CTNNA3: variants seen among roughly 807,000 people sequenced by gnomAD.
The protein encoded by CTNNA3 is catenin alpha 3.
Under a neutral mutation model 95.7 loss-of-function variants are expected in CTNNA3, and 76 were observed. The ratio of observed to expected loss-of-function variants is 0.79; its 90% confidence interval spans 0.66 to 0.96. The LOEUF is 0.96. CTNNA3 is among the 40% of genes least tolerant of loss of function. The pLI is 0.00. For missense variants in CTNNA3, 1,191 were observed against 1,089.8 expected (o/e 1.09, Z -1.31); for synonymous variants, 431 against 374.4 (o/e 1.15, Z -1.74).
At chr10:66,599,336 G>T (rs1397736587) in intron 10 of CTNNA3, among the ~76,000 whole-genome samples, 1 of 152,148 alleles carries the variant, frequency 6.6e-6, no homozygotes, top group East Asian at 1.9e-4. Flanking sequence ...CACAAAGCTT[G>T]GTTCATAGGC....
chr10:67,417,851 T>C (rs936680309), intron 5 of CTNNA3, among the ~76,000 whole-genome samples: 4 of 152,196 alleles, frequency 2.6e-5, no homozygotes, highest in African/African-American at 9.7e-5. Context: ...TTTATTGACA[T>C]ATTGGCGAAG....
chr10:66,478,259 TGTGA>T (rs1471830741), intron 11 of CTNNA3, among the ~76,000 whole-genome samples: 2 of 152,056 alleles, frequency 1.3e-5, no homozygotes, highest in Non-Finnish European at 1.5e-5. Flanking sequence ...TTTATGTACA[TGTGA>T]GTGTCTATTG....
intron 12 of CTNNA3, among the ~76,000 whole-genome samples, chr10:66,333,578 A>G (rs2092357295): frequency 6.6e-6 from 1 of 151,926 alleles, no homozygotes; most frequent in Non-Finnish European, 1.5e-5. Flanking sequence ...GTTTGATTGC[A>G]CTGTGGTCTG....
intron 9 of CTNNA3, among the ~76,000 whole-genome samples, chr10:66,695,113 A>G (rs981699446): frequency 8.5e-5 from 13 of 152,196 alleles, no homozygotes; most frequent in Non-Finnish European, 1.3e-4. Context: ...CTTCAATGTC[A>G]TTGAAATAAT....
intron 7 of CTNNA3, among the ~76,000 whole-genome samples, chr10:66,978,510 G>A (rs1179694609): frequency 1.4e-5 from 1 of 73,728 alleles, no homozygotes; most frequent in East Asian, 4.0e-4. Flanking sequence ...CTGGATGATA[G>A]AGTGAGACTC....
At chr10:66,384,915 C>G in intron 11 of CTNNA3, among the ~76,000 whole-genome samples, 1 of 152,054 alleles carries the variant, frequency 6.6e-6, no homozygotes, top group East Asian at 1.9e-4. Flanking sequence ...CACAACATAC[C>G]AGAATCTCTG....
At chr10:66,089,380 ATCCTTCCTTCTT>A (rs2081124045) in intron 14 of CTNNA3, among the ~76,000 whole-genome samples, 1 of 146,826 alleles carries the variant, frequency 6.8e-6, no homozygotes, top group South Asian at 2.2e-4. Context: ...CCTTCCTTCC[ATCCTTCCTTCTT>A]TCCTTCCTTA....
chr10:66,102,731 G>C (rs966674562), intron 14 of CTNNA3, among the ~76,000 whole-genome samples: 16 of 152,058 alleles, frequency 1.1e-4, no homozygotes, highest in African/African-American at 3.9e-4. Context: ...GTGTGTGTGT[G>C]TGTGTTTGGG....
At chr10:67,221,022 C>A (rs947583972) in intron 5 of CTNNA3, among the ~76,000 whole-genome samples, 1 of 152,214 alleles carries the variant, frequency 6.6e-6, no homozygotes, top group African/African-American at 2.4e-5. Flanking sequence ...AGGAGATGGA[C>A]TGACAAGCTG....
chr10:67,229,219 A>C (rs1484415101), intron 5 of CTNNA3, among the ~76,000 whole-genome samples: 1 of 152,196 alleles, frequency 6.6e-6, no homozygotes, highest in Non-Finnish European at 1.5e-5. Context: ...AACAAAAATC[A>C]CATGATCATC....
At chr10:67,208,444 G>A (rs1385838233) in intron 6 of CTNNA3, among the ~76,000 whole-genome samples, 1 of 151,240 alleles carries the variant, frequency 6.6e-6, no homozygotes, top group Non-Finnish European at 1.5e-5. Flanking sequence ...AAATGGTATT[G>A]CAAAAATAAA....
intron 13 of CTNNA3, among the ~76,000 whole-genome samples, chr10:66,176,899 T>C (rs577547997): frequency 6.6e-6 from 1 of 152,126 alleles, no homozygotes; most frequent in South Asian, 2.1e-4. Flanking sequence ...TCTGACCTCA[T>C]GATTGTGAAA....
intron 13 of CTNNA3, among the ~76,000 whole-genome samples, chr10:66,137,671 G>A (rs925175484): frequency 6.6e-6 from 1 of 152,092 alleles, no homozygotes. Context: ...TTGTGGACTG[G>A]GTTTGGTGCC....
chr10:66,950,087 G>T (rs768946644), intron 7 of CTNNA3, among the ~76,000 whole-genome samples: 32 of 151,968 alleles, frequency 2.1e-4, no homozygotes, highest in Non-Finnish European at 1.5e-5. Flanking sequence ...CTCTTTGAAC[G>T]TCTCCTTCAG....
chr10:67,695,178 CT>C (rs770438529), intron 1 of CTNNA3, among the ~76,000 whole-genome samples: 1 of 152,186 alleles, frequency 6.6e-6, no homozygotes, highest in African/African-American at 2.4e-5. Flanking sequence ...GCTTTTTCCA[CT>C]TTGTTTTAAG....
chr10:66,416,002 A>G (rs1281946306), intron 11 of CTNNA3, among the ~76,000 whole-genome samples: 1 of 152,216 alleles, frequency 6.6e-6, no homozygotes, highest in Non-Finnish European at 1.5e-5. Flanking sequence ...AAATTCAATT[A>G]TTGATTCTAA....
chr10:66,115,914 C>T (rs545504812), intron 13 of CTNNA3, among the ~76,000 whole-genome samples: 2 of 152,032 alleles, frequency 1.3e-5, no homozygotes, highest in African/African-American at 2.4e-5. Flanking sequence ...TAATTCAGAT[C>T]TATATTAGAC....
intron 2 of CTNNA3, among the ~76,000 whole-genome samples, chr10:67,608,805 T>C (rs1461440985): frequency 6.6e-6 from 1 of 152,034 alleles, no homozygotes; most frequent in African/African-American, 2.4e-5. Context: ...AAACACCCAT[T>C]TCTGGCCAGG....
chr10:67,450,674 A>G (rs1375478088), intron 5 of CTNNA3, among the ~76,000 whole-genome samples: 6 of 152,090 alleles, frequency 3.9e-5, no homozygotes, highest in Non-Finnish European at 7.4e-5. Flanking sequence ...AAAAATAACT[A>G]TTGGGTACTA....
Sources: gnomAD v4.1 joint callset for allele counts (sites outside exome capture counted in the v4.1 genomes callset) on GRCh38, gnomAD v4.1.1 for gene constraint, MANE v1.5 for transcripts, NCBI Gene and HGNC (gene_info 2026-07-23, HGNC 2026-07-21) for gene names.